CD9: variants seen among roughly 807,000 people sequenced by gnomAD.
CD9 encodes the protein CD9 antigen.
In CD9, 10 loss-of-function variants were observed where a neutral mutation model predicts 31.4. The observed-to-expected ratio is 0.32, with a 90% confidence interval of 0.20 to 0.54. CD9 has a LOEUF of 0.54. CD9 is among the 20% of genes least tolerant of loss of function. CD9 has a pLI of 0.94. For synonymous variants in CD9, 113 were observed against 114.1 expected (o/e 0.99, Z 0.06); for missense variants, 259 against 300.1 (o/e 0.86, Z 1.01).
chr12:6,209,155 G>A (rs1035067648), intron 1 of CD9, among the ~76,000 whole-genome samples: 2 of 151,998 alleles, frequency 1.3e-5, no homozygotes, highest in East Asian at 2.0e-4. Context: ...TTTTAGTAGA[G>A]ATGGGATTTC....
intron 7 of CD9, 80 bp downstream of exon 7, chr12:6,236,355 G>A (rs71582901): frequency 1.1e-5 from 14 of 1,223,110 alleles, no homozygotes; most frequent in Admixed American, 5.4e-5. Context: ...AGACACCGCC[G>A]CACTCTGTGC....
chr12:6,216,368 A>G (rs900944910), intron 1 of CD9, among the ~76,000 whole-genome samples: 2 of 152,236 alleles, frequency 1.3e-5, no homozygotes, highest in African/African-American at 2.4e-5. Context: ...GCTATGGACA[A>G]CTATGACTAA....
intron 1 of CD9, among the ~76,000 whole-genome samples, chr12:6,207,895 G>C (rs1030338146): frequency 6.6e-6 from 1 of 152,222 alleles, no homozygotes. Context: ...TGTGCCTGAG[G>C]GAAGAAATAG....
At chr12:6,210,473 G>A (rs147034393) in intron 1 of CD9, among the ~76,000 whole-genome samples, 159 of 152,190 alleles carry the variant, frequency 1.0e-3, no homozygotes, top group Middle Eastern at 3.4e-3. Context: ...GACTCTCTTC[G>A]AGCACCCACT....
At chr12:6,223,212 T>A (rs1162579751) in intron 1 of CD9, among the ~76,000 whole-genome samples, 1 of 151,606 alleles carries the variant, frequency 6.6e-6, no homozygotes, top group African/African-American at 2.4e-5. Flanking sequence ...GGGGACTGAC[T>A]GGGCCTCCCT....
At chr12:6,202,467 T>C (rs1163619974) in intron 1 of CD9, among the ~76,000 whole-genome samples, 1 of 152,256 alleles carries the variant, frequency 6.6e-6, no homozygotes, top group Non-Finnish European at 1.5e-5. Flanking sequence ...CTCTCCCGGC[T>C]GGTGTGTTGG....
At chr12:6,214,947 G>C (rs1008157700) in intron 1 of CD9, among the ~76,000 whole-genome samples, 4 of 152,164 alleles carry the variant, frequency 2.6e-5, no homozygotes, top group African/African-American at 9.7e-5. Context: ...TCCTGGCTCA[G>C]TGGGTTCAGC....
At chr12:6,234,783 CT>C (rs1565429735) in intron 4 of CD9, among the ~76,000 whole-genome samples, 1 of 152,214 alleles carries the variant, frequency 6.6e-6, no homozygotes. Context: ...AATCTATGAG[CT>C]GTAGGGACAA....
Position 6,232,656 on chromosome 12 carries a change from G to T in CD9, c.200G>T (p.Gly67Val). ...GGAGTCTATATTCTGATCGGAGCCG[G>T]CGCCCTCATGATGCTGGTGGGCTTC... is the stretch of plus-strand genomic sequence containing the variant. ...YTGVYILIGA[G>V]ALMMLVGFLG... The change falls in exon 3 of 8, where the codon GGC becomes GTC. Residue 67 changes from glycine (G) to valine (V), a missense_variant. Coordinates refer to ENST00000009180, the MANE Select transcript of CD9 (RefSeq NM_001769.4). The surrounding 1 kb of genome is among the most constrained non-coding windows in gnomAD (Gnocchi z 4.8). 1.3e-6 allele frequency: 2 copies of T among 1,579,158 alleles called. No individual in the cohort carries two copies.
intron 4 of CD9, among the ~76,000 whole-genome samples, 167 bp downstream of exon 4, chr12:6,233,653 G>A (rs528702433): frequency 1.3e-5 from 2 of 152,218 alleles, no homozygotes; most frequent in South Asian, 2.1e-4. Context: ...CTCGGGGCAG[G>A]GAATGTCAGT....
intron 1 of CD9, among the ~76,000 whole-genome samples, chr12:6,203,579 C>T (rs1946098219): frequency 6.6e-6 from 1 of 152,180 alleles, no homozygotes. Flanking sequence ...GTGGGTCACT[C>T]CCTGATGGCC....
intron 1 of CD9, among the ~76,000 whole-genome samples, chr12:6,217,101 G>C (rs1409159360): frequency 4.6e-5 from 7 of 152,136 alleles, no homozygotes. Context: ...CTCCTAGGTA[G>C]CAGTGCCAGA....
At chr12:6,228,309 T>C (rs766544902) in intron 2 of CD9, among the ~76,000 whole-genome samples, 1 of 152,112 alleles carries the variant, frequency 6.6e-6, no homozygotes, top group Non-Finnish European at 1.5e-5. Flanking sequence ...TCTAGCACTT[T>C]GGGAGGCCGA....
chr12:6,222,919 A>G (rs767969386), intron 1 of CD9, among the ~76,000 whole-genome samples: 2 of 152,164 alleles, frequency 1.3e-5, no homozygotes, highest in African/African-American at 4.8e-5. Flanking sequence ...CAGTTTTCCC[A>G]GCAGATAAGG....
chr12:6,220,850 C>T (rs1041122781), intron 1 of CD9, among the ~76,000 whole-genome samples: 1 of 152,200 alleles, frequency 6.6e-6, no homozygotes. Context: ...TTTGTCACAA[C>T]TAGGAAACCA....
chr12:6,210,987 C>T (rs1368297244), intron 1 of CD9, among the ~76,000 whole-genome samples: 1 of 152,042 alleles, frequency 6.6e-6, no homozygotes, highest in African/African-American at 2.4e-5. Flanking sequence ...CAGGCACGCA[C>T]CACCATGCCT....
Position 6,235,340 on chromosome 12 carries a change from G to T in CD9, c.447+13G>T. Reference sequence around the variant, plus strand: ...CATCCACTATGCGGTATGTCGCCTTGGCAAAGACACCCTCCTGCGCTTTCT... The same window carrying T: ...CATCCACTATGCGGTATGTCGCCTTTGCAAAGACACCCTCCTGCGCTTTCT... On this transcript the variant is annotated intron_variant, in intron 5 of 7. Coordinates refer to ENST00000009180, the MANE Select transcript of CD9 (RefSeq NM_001769.4). 1.9e-6 allele frequency: 3 copies of T among 1,614,220 alleles called. No individual in the cohort carries two copies. The South Asian group carries it at 3.3e-5, about 18-fold the overall frequency.
In CD9 at chr12:6,200,434, C is replaced by A; in HGVS notation, c.-66C>A. ...CATCTGTATCCAGCGCCAGGTCCCG[C>A]CAGTCCCAGCTGCGCGCGCCCCCCA... On this transcript the variant is annotated 5_prime_UTR_variant, in exon 1 of 8. Transcript: ENST00000009180. The A allele has an allele frequency of 9.5e-7, 1 of 1,057,190 alleles. No individual in the cohort carries two copies. Among genetic ancestry groups the A allele is most frequent in the Non-Finnish European group, 1.5e-6 (1 of 677,454 alleles). 65.5% of individuals were successfully genotyped at this position (1,057,190 alleles called of 1,614,324 possible).
At chr12:6,218,978 C>T (rs1412762788) in intron 1 of CD9, among the ~76,000 whole-genome samples, 1 of 151,998 alleles carries the variant, frequency 6.6e-6, no homozygotes, top group Non-Finnish European at 1.5e-5. Flanking sequence ...AGATAAAGAC[C>T]GAGGACAGCA....
Sources: allele counts gnomAD v4.1 joint callset (sites outside exome capture counted in the v4.1 genomes callset), GRCh38; gene constraint gnomAD v4.1.1; non-coding constraint Gnocchi (gnomAD v3.1); transcripts MANE v1.5; gene names NCBI Gene and HGNC (gene_info 2026-07-23, HGNC 2026-07-21).